The following ADRA1D variants were observed in gnomAD, a reference collection of about 807,000 sequenced individuals.
The protein encoded by ADRA1D is alpha-1D adrenergic receptor.
A neutral mutation model predicts 18.6 loss-of-function variants in ADRA1D; 22 were observed. The ratio of observed to expected loss-of-function variants is 1.19; its 90% confidence interval spans 0.85 to 1.69. The LOEUF (loss-of-function observed/expected upper bound fraction) is 1.69, where lower values mean the gene tolerates loss of function less well. ADRA1D is among the 40% of genes most tolerant of loss of function. ADRA1D has a pLI of 0.00. For missense variants in ADRA1D, 840 were observed against 840.7 expected, an observed-to-expected ratio of 1.00 and a Z score of 0.01; for synonymous variants, 376 against 388.2, an observed-to-expected ratio of 0.97 and a Z score of 0.37.
At chr20:4,232,877 T>A (rs1981001812) in intron 1 of ADRA1D, among the ~76,000 whole-genome samples, 1 of 152,236 alleles carries the variant, frequency 6.6e-6, no homozygotes, top group East Asian at 1.9e-4. Flanking sequence ...AGTCCAGTTC[T>A]GCCTTTCTTG....
At chr20:4,228,091 T>G (rs952950363) in intron 1 of ADRA1D, among the ~76,000 whole-genome samples, 4 of 152,196 alleles carry the variant, frequency 2.6e-5, no homozygotes, top group Admixed American at 1.3e-4. Context: ...TCCTTATCTG[T>G]ACTTTGACCT....
At chr20:4,235,326 G>A (rs1981063916) in intron 1 of ADRA1D, among the ~76,000 whole-genome samples, 1 of 152,228 alleles carries the variant, frequency 6.6e-6, no homozygotes, top group South Asian at 2.1e-4. Context: ...AGGGAGATGA[G>A]CCATAGGCCT....
At chr20:4,227,745 TC>T (rs1280826794) in intron 1 of ADRA1D, among the ~76,000 whole-genome samples, 2 of 124,888 alleles carry the variant, frequency 1.6e-5, no homozygotes, top group East Asian at 3.0e-4. Context: ...CTTCCTTCCT[TC>T]CTTCTTCTCT....
At chr20:4,230,837 G>GGAGC (rs1477445950) in intron 1 of ADRA1D, among the ~76,000 whole-genome samples, 9 of 152,118 alleles carry the variant, frequency 5.9e-5, no homozygotes, top group Non-Finnish European at 1.3e-4. Flanking sequence ...GCTGCTCCCA[G>GGAGC]GAGCCTCCTC....
Position 4,221,356 on chromosome 20 carries a change from G to C in ADRA1D, c.*167C>G. On this transcript the variant is annotated 3_prime_UTR_variant, in exon 2 of 2. Coordinates refer to ENST00000379453, the MANE Select transcript of ADRA1D (RefSeq NM_000678.4). ...GCCCCACTACTTTTCACCTTTCAAG[G>C]GCTCCAGCCTCAAGCTCTGCCCAGT... The C allele has an allele frequency of 1.4e-6, 1 of 727,156 alleles. No individual in the cohort carries two copies. Among genetic ancestry groups the C allele is most frequent in the South Asian group, 2.6e-5 (1 of 37,798 alleles). 45.0% of individuals were successfully genotyped at this position (727,156 alleles called of 1,614,324 possible). A position where few individuals can be genotyped will look rare whatever the true frequency, so the allele number is the denominator to read the frequency against.
At chr20:4,226,932 C>G (rs1039745692) in intron 1 of ADRA1D, among the ~76,000 whole-genome samples, 13 of 152,214 alleles carry the variant, frequency 8.5e-5, no homozygotes, top group African/African-American at 2.7e-4. Context: ...TCCAATCCAC[C>G]ACCTACACCG....
At position 4,249,015 on chromosome 20, in the gene ADRA1D, G is replaced by A; in HGVS notation, c.-58C>T. On this transcript the variant is annotated 5_prime_UTR_variant, in exon 1 of 2. Coordinates refer to ENST00000379453, the MANE Select transcript of ADRA1D (RefSeq NM_000678.4). Reference sequence around the variant, plus strand: ...GCACAGAACGAGCGGCCGGCAGGGAGGGGAGCACAGGGCATAGCCGCGGGG... The same window carrying A: ...GCACAGAACGAGCGGCCGGCAGGGAAGGGAGCACAGGGCATAGCCGCGGGG... The A allele has an allele frequency of 5.8e-6, 7 of 1,200,294 alleles. No homozygotes were observed. The highest frequency in any genetic ancestry group is 7.4e-6 in the Non-Finnish European group (7 of 949,804). The allele number at this position is 1,200,294 out of a possible 1,614,324, so 74.4% of individuals were successfully genotyped here. A position where few individuals can be genotyped will look rare whatever the true frequency, so the allele number is the denominator to read the frequency against.
intron 1 of ADRA1D, among the ~76,000 whole-genome samples, chr20:4,223,507 A>G (rs1208025744): frequency 6.6e-6 from 1 of 152,216 alleles, no homozygotes. Flanking sequence ...GGCATTACAC[A>G]TGGCCCTTAT....
At chr20:4,247,485 C>A (rs958939639) in intron 1 of ADRA1D, among the ~76,000 whole-genome samples, 5 of 152,328 alleles carry the variant, frequency 3.3e-5, no homozygotes, top group Admixed American at 3.3e-4. Flanking sequence ...TGTGCACCCA[C>A]CTCCCGGGAG....
rs775274145 is a variant in ADRA1D at position 4,248,431 on chromosome 20, T to C, written c.527A>G (p.Asp176Gly). ...GATGGAGGCCGTGCAGCACAGCACG[T>C]CCACGGCGGCCCATACGTCGCAGAA... ...RAFCDVWAAV[D>G]VLCCTASILS... The change falls in exon 1 of 2, where the codon GAC becomes GGC. Residue 176 changes from aspartate to glycine, a missense_variant. By Grantham distance (94) the Asp-to-Gly change is moderately conservative (BLOSUM62 -1). Transcript: ENST00000379453. The C allele has an allele frequency of 1.9e-6, 3 of 1,611,572 alleles. No individual in the cohort carries two copies. Among genetic ancestry groups the C allele is most frequent in the Non-Finnish European group, 2.5e-6 (3 of 1,179,026 alleles).
At chr20:4,238,437 C>G (rs965781300) in intron 1 of ADRA1D, among the ~76,000 whole-genome samples, 1 of 152,056 alleles carries the variant, frequency 6.6e-6, no homozygotes, top group Admixed American at 6.6e-5. Context: ...TTTAAGAAAG[C>G]TCTGGACATG....
chr20:4,244,586 T>C (rs1002622919), intron 1 of ADRA1D, among the ~76,000 whole-genome samples: 1 of 152,180 alleles, frequency 6.6e-6, no homozygotes, highest in Non-Finnish European at 1.5e-5. Flanking sequence ...CACCAACATA[T>C]ACCAGCCCCT....
rs1166646426 is a variant in ADRA1D, at chr20:4,222,020, C to T, written c.1222G>A (p.Glu408Lys). 2 of 1,605,024 alleles carry T rather than the reference C, an allele frequency of 1.2e-6. No individual in the cohort carries two copies. Among genetic ancestry groups the T allele is most frequent in the Non-Finnish European group, 1.7e-6 (2 of 1,175,570 alleles). ...NPLIYPCSSR[E>K]FKRAFLRLLR... ...AGACGGAGGAAGGCGCGCTTGAACT[C>T]GCGGCTGGAACAGGGGTAGATGAGC... Residue 408 changes from glutamate (E) to lysine (K), a missense_variant, in exon 2 of 2, where the codon GAG becomes AAG. Transcript: ENST00000379453. This position sits in a 1 kb window ranked among gnomAD's most constrained non-coding sequence, Gnocchi z 4.3.
Position 4,248,400 on chromosome 20 carries a change from G to A in ADRA1D, c.558C>T (p.Ser186=). ...DVLCCTASIL[S]LCTISVDRYV... ...ACCGGTCCACGGAGATGGTGCAGAG[G>A]CTGAGGATGGAGGCCGTGCAGCACA... is the stretch of plus-strand genomic sequence containing the variant. The change falls in exon 1 of 2, where the codon AGC becomes AGT. Residue 186 remains serine (S), a synonymous_variant. Coordinates refer to ENST00000379453, the MANE Select transcript of ADRA1D (RefSeq NM_000678.4). 1 of 1,610,292 alleles carries A rather than the reference G, an allele frequency of 6.2e-7. No individual in the cohort carries two copies. Among genetic ancestry groups the A allele is most frequent in the Non-Finnish European group, 8.5e-7 (1 of 1,178,444 alleles).
intron 1 of ADRA1D, among the ~76,000 whole-genome samples, chr20:4,238,507 C>G (rs1468690773): frequency 6.6e-6 from 1 of 152,032 alleles, no homozygotes; most frequent in Non-Finnish European, 1.5e-5. Context: ...TGAGGAGTAA[C>G]TGAAAGAGTA....
In ADRA1D at chr20:4,249,270, G is replaced by C. The variant is rs1357981550; in HGVS notation, c.-313C>G. Among the ~76,000 whole-genome samples the C allele has an allele frequency of 6.6e-6, 1 of 152,034 alleles. No individual in the cohort carries two copies. Among genetic ancestry groups the C allele is most frequent in the Non-Finnish European group, 1.5e-5 (1 of 67,952 alleles). ...TCCGGGGCCGGGCGGTGCAGGCAGC[G>C]GCCACTGCGGCGCTCCCAACTCGGC... On this transcript the variant is annotated 5_prime_UTR_variant, in exon 1 of 2. Transcript: ENST00000379453.
At chr20:4,231,790 A>G (rs796796022) in intron 1 of ADRA1D, among the ~76,000 whole-genome samples, 8 of 152,322 alleles carry the variant, frequency 5.3e-5, no homozygotes, top group African/African-American at 1.9e-4. Context: ...TCACTTAAAC[A>G]GAGAAACAGA....
intron 1 of ADRA1D, among the ~76,000 whole-genome samples, chr20:4,231,267 G>GTTATTATTATTATTATTATTATTA (rs58687402): frequency 8.5e-4 from 118 of 138,914 alleles, no homozygotes; most frequent in East Asian, 3.4e-3. Context: ...CTGGCTAATT[G>GTTATTATTATTATTATTATTATTA]TTATTATTAT....
chr20:4,231,054 CTTTCTTTCTT>C (rs1405650113), intron 1 of ADRA1D, among the ~76,000 whole-genome samples: 2 of 92,112 alleles, frequency 2.2e-5, no homozygotes, highest in South Asian at 4.7e-4. Context: ...TTCTTTCTTT[CTTTCTTTCTT>C]TCTCTCTCTC....
Sources: allele counts gnomAD v4.1 joint callset (sites outside exome capture counted in the v4.1 genomes callset), GRCh38; gene constraint gnomAD v4.1.1; non-coding constraint Gnocchi (gnomAD v3.1); transcripts MANE v1.5; gene names NCBI Gene and HGNC (gene_info 2026-07-23, HGNC 2026-07-21).